The following SPANXN4 variants were observed in gnomAD, a reference collection of about 807,000 sequenced individuals.
SPANXN4 encodes sperm protein associated with the nucleus on the X chromosome N4.
SPANXN4 carries 5 observed loss-of-function variants against 6.0 expected under a neutral mutation model. The observed-to-expected ratio is 0.83, with a 90% confidence interval of 0.44 to 1.75. The LOEUF (loss-of-function observed/expected upper bound fraction) is 1.75, where lower values mean the gene tolerates loss of function less well. Ranked by LOEUF, SPANXN4 falls within the 40% of genes most tolerant of loss-of-function variation. The probability of loss-of-function intolerance (pLI) is 0.02; values close to 1 mark genes in which losing one functional copy is unlikely to be tolerated. For synonymous variants in SPANXN4, 45 were observed against 38.0 expected, an observed-to-expected ratio of 1.19 and a Z score of -0.68; for missense variants, 157 against 108.6, an observed-to-expected ratio of 1.45 and a Z score of -1.98.
chrX:143,033,332 A>G (rs1285510103), intron 1 of SPANXN4, among the ~76,000 whole-genome samples: 1 of 111,721 alleles, frequency 9.0e-6, no homozygotes, highest in Non-Finnish European at 1.9e-5. Context: ...GCTGCCTTCC[A>G]GGATGCAAAG....
intron 1 of SPANXN4, among the ~76,000 whole-genome samples, chrX:143,027,013 T>G (rs1374666514): frequency 9.0e-6 from 1 of 111,604 alleles, no homozygotes; most frequent in Non-Finnish European, 1.9e-5. Context: ...ATGTTAACGT[T>G]TAGACTGAAA....
chrX:143,035,894 G>T (rs747322737), downstream of SPANXN4, among the ~76,000 whole-genome samples: 5 of 106,942 alleles, frequency 4.7e-5, no homozygotes, highest in Non-Finnish European at 9.6e-5. Flanking sequence ...TACATATCTG[G>T]TATTTTGTAT....
At chrX:143,028,780 G>A (rs1932792341) in intron 1 of SPANXN4, among the ~76,000 whole-genome samples, 1 of 110,982 alleles carries the variant, frequency 9.0e-6, no homozygotes, top group Non-Finnish European at 1.9e-5. Context: ...CCTCAGGCCT[G>A]GTGTGTGGGA....
chrX:143,036,310 A>AAATCTCACAGATCCTCACACCG (rs917404329), downstream of SPANXN4, among the ~76,000 whole-genome samples: 1 of 110,895 alleles, frequency 9.0e-6, no homozygotes, highest in Non-Finnish European at 1.9e-5. Flanking sequence ...GTCTACAGAA[A>AAATCTCACAGATCCTCACACCG]AATCTCACAG....
At chrX:143,037,190 A>G (rs1254068839), downstream of SPANXN4, among the ~76,000 whole-genome samples, 1 of 110,974 alleles carries the variant, frequency 9.0e-6, no homozygotes, top group Non-Finnish European at 1.9e-5. Flanking sequence ...TTTCCCTTCA[A>G]AAAAACCGAG....
chrX:143,034,689 G>A (rs1439297901), exon 3 of SPANXN4: 31 of 1,137,512 alleles, frequency 2.7e-5, no homozygotes, highest in Admixed American at 5.9e-5. Context: ...AATGCTGTGA[G>A]CAACTGAAGG....
downstream of SPANXN4, among the ~76,000 whole-genome samples, chrX:143,035,040 C>T (rs947990406): frequency 1.8e-4 from 17 of 94,147 alleles, no homozygotes; most frequent in Non-Finnish European, 3.5e-4. Flanking sequence ...GGCACCACTG[C>T]ACTCCAGCAT....
intron 1 of SPANXN4, among the ~76,000 whole-genome samples, chrX:143,030,710 T>C (rs1406135894): frequency 1.8e-5 from 2 of 111,250 alleles, no homozygotes; most frequent in African/African-American, 6.5e-5. Context: ...GTAAAGTATA[T>C]GGGTTGGGGA....
intron 1 of SPANXN4, among the ~76,000 whole-genome samples, chrX:143,029,835 C>A (rs186449634): frequency 4.5e-5 from 5 of 110,833 alleles, no homozygotes; most frequent in African/African-American, 1.6e-4. Flanking sequence ...ACCTCTAAGG[C>A]CAGCAATGTG....
In SPANXN4 at chrX:143,025,952, A is replaced by G. The variant is rs1311061786; in HGVS notation, c.-63A>G. ...GGACAGCCCACTGGAAAGCTTCAAT[A>G]CAGCTGTGGAAATCTGCACCCTAGA... On this transcript the variant is annotated 5_prime_UTR_variant, in exon 1 of 3. It adds an upstream start codon to the 5' untranslated region. Coordinates refer to ENST00000370504, the Ensembl canonical transcript of SPANXN4. 18 of 1,096,084 alleles carry G rather than the reference A, an allele frequency of 1.6e-5. No individual in the cohort carries two copies. Among genetic ancestry groups the G allele is most frequent in the Non-Finnish European group, 2.1e-5 (17 of 806,338 alleles). The allele number at this position is 1,096,084 out of a possible 1,213,427, so 90.3% of individuals were successfully genotyped here. A position where few individuals can be genotyped will look rare whatever the true frequency, so the allele number is the denominator to read the frequency against.
Position 143,026,043 on chromosome X carries a change from A to G in SPANXN4, c.29A>G (p.Glu10Gly), listed in dbSNP as rs1569428431. The G allele has an allele frequency of 3.0e-5, 36 of 1,210,413 alleles. No homozygotes were observed. Among genetic ancestry groups the G allele is most frequent in the Non-Finnish European group, 4.0e-5 (36 of 894,979 alleles). The change falls in exon 1 of 3, where the codon GAG becomes GGG. Residue 10 changes from glutamate to glycine, a missense_variant. By Grantham distance (98) the Glu-to-Gly change is moderately conservative (BLOSUM62 -2). Transcript: ENST00000370504. ...GAAGAGCCAACTTCCAGCACCAACG[A>G]GAATAAAATGAAGAGCCCCTGTGAA...
At chrX:143,036,062 C>T (rs1172126359), downstream of SPANXN4, among the ~76,000 whole-genome samples, 2 of 106,172 alleles carry the variant, frequency 1.9e-5, no homozygotes. Flanking sequence ...CCTCCTGGTC[C>T]ATCCATGTTC....
downstream of SPANXN4, among the ~76,000 whole-genome samples, chrX:143,034,858 G>A (rs754159071): frequency 3.0e-4 from 33 of 110,508 alleles, no homozygotes; most frequent in Non-Finnish European, 5.1e-4. Context: ...ACTGGGAGTG[G>A]CCTGTGTCTA....
downstream of SPANXN4, among the ~76,000 whole-genome samples, chrX:143,035,461 A>C (rs889725544): frequency 2.7e-5 from 3 of 110,568 alleles, no homozygotes; most frequent in African/African-American, 9.9e-5. Flanking sequence ...TGTCAGATAT[A>C]TTTTTATATT....
At chrX:143,030,829 A>G (rs1049960308) in intron 1 of SPANXN4, among the ~76,000 whole-genome samples, 3 of 111,380 alleles carry the variant, frequency 2.7e-5, no homozygotes, top group African/African-American at 9.8e-5. Context: ...TTGTAGCGAA[A>G]GTTGACAGAC....
At chrX:143,025,953 C>A in exon 1 of SPANXN4, 1 of 1,102,908 alleles carries the variant, frequency 9.1e-7, no homozygotes, top group Non-Finnish European at 1.2e-6. Context: ...AGCTTCAATA[C>A]AGCTGTGGAA....
intron 1 of SPANXN4, among the ~76,000 whole-genome samples, chrX:143,033,721 T>C (rs1453876324): frequency 2.7e-5 from 3 of 112,115 alleles, no homozygotes; most frequent in Non-Finnish European, 5.6e-5. Context: ...GTCCACCTTG[T>C]AGTCAAGTGG....
intron 1 of SPANXN4, among the ~76,000 whole-genome samples, chrX:143,026,671 CAG>C (rs1932780732): frequency 9.0e-6 from 1 of 111,265 alleles, no homozygotes; most frequent in Non-Finnish European, 1.9e-5. Context: ...TGTTGGACTT[CAG>C]AGTTGTTTTC....
At chrX:143,026,515 G>T (rs1420563306) in intron 1 of SPANXN4, among the ~76,000 whole-genome samples, 1 of 111,887 alleles carries the variant, frequency 8.9e-6, no homozygotes, top group Non-Finnish European at 1.9e-5. Flanking sequence ...CTACAAAATA[G>T]AAGGGAGCTT....
Sources: allele counts gnomAD v4.1 joint callset (sites outside exome capture counted in the v4.1 genomes callset), GRCh38; gene constraint gnomAD v4.1.1; transcripts MANE v1.5; gene names NCBI Gene and HGNC (gene_info 2026-07-23, HGNC 2026-07-21).